Variants in SYT14 observed in about 807,000 individuals in gnomAD.
SYT14 encodes synaptotagmin 14.
In SYT14, 32 loss-of-function variants were observed where a neutral mutation model predicts 74.2. The observed-to-expected ratio is 0.43, with a 90% confidence interval of 0.33 to 0.58. The LOEUF (loss-of-function observed/expected upper bound fraction) is 0.58. Ranked by LOEUF, SYT14 falls within the 20% of genes least tolerant of loss-of-function variation. SYT14 has a pLI of 0.05. For synonymous variants in SYT14, 298 were observed against 337.7 expected, an observed-to-expected ratio of 0.88 and a Z score of 1.29; for missense variants, 791 against 981.8, an observed-to-expected ratio of 0.81 and a Z score of 2.60.
intron 7 of SYT14, among the ~76,000 whole-genome samples, chr1:210,116,801 C>G (rs2082370546): frequency 6.6e-6 from 1 of 151,948 alleles, no homozygotes; most frequent in South Asian, 2.1e-4. Context: ...TTCATAGTAT[C>G]TAAAACACAG....
At chr1:210,137,714 C>G (rs1303127726) in intron 7 of SYT14, among the ~76,000 whole-genome samples, 1 of 127,770 alleles carries the variant, frequency 7.8e-6, no homozygotes, top group East Asian at 2.3e-4. Flanking sequence ...GAGTTTTGCT[C>G]TTGTTACCCA....
chr1:210,066,476 A>G lies in SYT14; in HGVS notation c.1313-27846A>G, dbSNP rs974659563. Among the ~76,000 whole-genome samples the G allele has an allele frequency of 5.9e-5, 9 of 152,322 alleles. No homozygotes were observed. The South Asian group carries it at 6.2e-4, about 11-fold the overall frequency. On this transcript the variant is annotated intron_variant, in intron 5 of 9. Coordinates refer to ENST00000637265, the Ensembl canonical transcript of SYT14. The stretch of plus-strand genomic sequence containing the variant: ...TTTGATTTGCATTTCTCTGATGGCC[A>G]GTGATGATGAGCATTTTTTCATGTA...
intron 5 of SYT14, among the ~76,000 whole-genome samples, chr1:210,088,562 A>G (rs1369144106): frequency 6.6e-6 from 1 of 152,100 alleles, no homozygotes; most frequent in Non-Finnish European, 1.5e-5. Context: ...ACTATTCACA[A>G]TAGCAAAGAC....
intron 2 of SYT14, among the ~76,000 whole-genome samples, chr1:210,002,945 A>G (rs1188698457): frequency 6.6e-6 from 1 of 152,136 alleles, no homozygotes; most frequent in African/African-American, 2.4e-5. Context: ...TTTTAATGTA[A>G]TAAAATTTAT....
chr1:209,966,018 G>T (rs557110246), intron 2 of SYT14: 2 of 433,660 alleles, frequency 4.6e-6, no homozygotes, highest in East Asian at 7.1e-5. Flanking sequence ...CTACAGGTGC[G>T]TGCCCACCAC....
rs199753075 is a variant in SYT14 at position 209,983,509 on chromosome 1, T to C, written c.-485-30124T>C. ...GCCATTGAACATCTCCAGTAAACTT[T>C]CATTTGATCTAGTGTACTTTTCACT... On this transcript the variant is annotated intron_variant, in intron 2 of 9. Transcript: ENST00000637265. Among the ~76,000 whole-genome samples, 387 of 152,338 alleles carry C rather than the reference T, an allele frequency of 2.5e-3. 2 individuals are homozygous for C. Among genetic ancestry groups the C allele is most frequent in the African/African-American group, 8.8e-3 (368 of 41,582 alleles).
At chr1:210,108,424 G>C (rs1181095634) in intron 7 of SYT14, among the ~76,000 whole-genome samples, 1 of 152,162 alleles carries the variant, frequency 6.6e-6, no homozygotes, top group East Asian at 1.9e-4. Flanking sequence ...GTCATAGATA[G>C]CTTTTCAGGG....
chr1:210,030,968 C>T (rs2080520319), intron 5 of SYT14, among the ~76,000 whole-genome samples: 1 of 150,924 alleles, frequency 6.6e-6, no homozygotes, highest in African/African-American at 2.4e-5. Context: ...ACTCATTTGC[C>T]CAGGCTGGAG....
At chr1:209,955,060 T>C (rs935150852) in intron 2 of SYT14, among the ~76,000 whole-genome samples, 16 of 152,180 alleles carry the variant, frequency 1.1e-4, no homozygotes, top group African/African-American at 3.9e-4. Flanking sequence ...TTTGCTAGCC[T>C]CTCTCCCCTG....
In SYT14 at chr1:210,156,711, T is replaced by TTTTC. The variant is rs2083275402; in HGVS notation, c.2224+801_2224+802insTTTC. 1.1e-4 allele frequency among the ~76,000 whole-genome samples: 10 copies of TTTTC among 93,554 alleles called. 1 individual carries two copies. The South Asian group carries it at 3.2e-3, about 30-fold the overall frequency. 61.4% of individuals were successfully genotyped at this position (93,554 alleles called of 152,430 possible). A position where few individuals can be genotyped will look rare whatever the true frequency, so the allele number is the denominator to read the frequency against. ...TTTTTTTTTTTTTTTTTTTTTTTTT[T>TTTTC]GGAGACAGTTTTGTTCTTATCGCCT... On this transcript the variant is annotated intron_variant, in intron 8 of 9. Coordinates refer to ENST00000637265, the Ensembl canonical transcript of SYT14.
intron 1 of SYT14, among the ~76,000 whole-genome samples, chr1:209,942,203 G>A (rs564691461): frequency 2.0e-5 from 3 of 152,204 alleles, no homozygotes; most frequent in South Asian, 2.1e-4. Flanking sequence ...GTCCAGAAGC[G>A]TATTTCTAAC....
intron 2 of SYT14, among the ~76,000 whole-genome samples, chr1:209,988,575 A>G (rs1213333941): frequency 6.6e-6 from 1 of 152,140 alleles, no homozygotes; most frequent in African/African-American, 2.4e-5. Flanking sequence ...GATAGGTTAA[A>G]TTACCTGAGA....
chr1:210,161,466 G>A (rs1212297082), exon 10 of SYT14: 1 of 454,212 alleles, frequency 2.2e-6, no homozygotes, highest in Non-Finnish European at 4.4e-6. Context: ...GCCAGTCCCT[G>A]GTGTTTGTAA....
intron 5 of SYT14, among the ~76,000 whole-genome samples, chr1:210,023,262 A>G (rs2080339770): frequency 6.6e-6 from 1 of 151,850 alleles, no homozygotes; most frequent in Non-Finnish European, 1.5e-5. Context: ...TGGAGGAGGA[A>G]AATCAGTGAG....
chr1:210,055,529 A>C (rs1445900159), intron 5 of SYT14, among the ~76,000 whole-genome samples: 2 of 152,094 alleles, frequency 1.3e-5, no homozygotes, highest in African/African-American at 4.8e-5. Context: ...TAAAAATAGA[A>C]TTGTTGGCCA....
chr1:209,973,616 G>A (rs2079298843), intron 2 of SYT14, among the ~76,000 whole-genome samples: 1 of 152,190 alleles, frequency 6.6e-6, no homozygotes, highest in Admixed American at 6.5e-5. Context: ...TATCATTGGT[G>A]GACGTTGGGT....
At chr1:209,950,178 T>C (rs1285125378) in intron 1 of SYT14, among the ~76,000 whole-genome samples, 1 of 152,188 alleles carries the variant, frequency 6.6e-6, no homozygotes, top group Non-Finnish European at 1.5e-5. Context: ...ACAGCCTTTT[T>C]ACGTGATTTA....
At chr1:210,073,725 T>A (rs2081437412) in intron 5 of SYT14, among the ~76,000 whole-genome samples, 1 of 152,062 alleles carries the variant, frequency 6.6e-6, no homozygotes, top group Non-Finnish European at 1.5e-5. Context: ...CTAAAATCAT[T>A]TGTTCTTTTC....
exon 10 of SYT14, chr1:210,161,427 C>G (rs1236559519): frequency 2.2e-6 from 1 of 455,792 alleles, no homozygotes; most frequent in South Asian, 1.6e-5. Context: ...TATCACCCTA[C>G]ATATTATTTA....
Sources: gnomAD v4.1 joint callset for allele counts (sites outside exome capture counted in the v4.1 genomes callset) on GRCh38, gnomAD v4.1.1 for gene constraint, MANE v1.5 for transcripts, NCBI Gene and HGNC (gene_info 2026-07-23, HGNC 2026-07-21) for gene names.